Variants in SCAMP4 observed in about 807,000 individuals in gnomAD.
The protein encoded by SCAMP4 is secretory carrier membrane protein 4.
A neutral mutation model predicts 32.1 loss-of-function variants in SCAMP4; 19 were observed. The ratio of observed to expected loss-of-function variants is 0.59; its 90% CI spans 0.41 to 0.87. The LOEUF (loss-of-function observed/expected upper bound fraction) is 0.87. Among genes scored for constraint, SCAMP4 ranks in the 40% least tolerant of loss-of-function variants. The probability of loss-of-function intolerance (pLI) is 0.00; values close to 1 mark genes in which losing one functional copy is unlikely to be tolerated. For missense variants in SCAMP4, 302 were observed against 309.0 expected, an observed-to-expected ratio of 0.98 and a Z score of 0.17; for synonymous variants, 152 against 132.7, an observed-to-expected ratio of 1.15 and a Z score of -1.00.
At chr19:1,913,514 G>C (rs1209355829) in intron 1 of SCAMP4, 3 of 283,572 alleles carry the variant, frequency 1.1e-5, no homozygotes, top group African/African-American at 2.3e-5. Flanking sequence ...GTCTGTACAG[G>C]GCCTGGTGGC....
rs896432133 is a variant in SCAMP4 at position 1,924,377 on chromosome 19, C to T, written c.*93C>T. ...CGAGGGCTGGGAGTACCTGGGGCCC[C>T]ATCCCCCCAGCTGGGATGGTGGAAG... On this transcript the variant is annotated 3_prime_UTR_variant, in exon 7 of 7. Transcript: ENST00000316097. 1.6e-6 allele frequency: 2 copies of T among 1,236,618 alleles called. No homozygotes were observed. Among genetic ancestry groups the T allele is most frequent in the African/African-American group, 3.0e-5 (2 of 67,150 alleles). The allele number at this position is 1,236,618 out of a possible 1,614,324, so 76.6% of individuals were successfully genotyped here.
chr19:1,907,568 C>T (rs747326631), intron 1 of SCAMP4, among the ~76,000 whole-genome samples: 25 of 152,222 alleles, frequency 1.6e-4, no homozygotes, highest in Admixed American at 2.6e-4. Flanking sequence ...ACCCAGGTCC[C>T]GGCGCGGACC....
chr19:1,916,195 G>A (rs767514980), intron 2 of SCAMP4, among the ~76,000 whole-genome samples: 40 of 151,280 alleles, frequency 2.6e-4, no homozygotes, highest in African/African-American at 8.7e-4. Context: ...CCGAGATCAC[G>A]CCACTGCACT....
chr19:1,915,718 G>A (rs1046138011), intron 2 of SCAMP4, among the ~76,000 whole-genome samples: 5 of 152,100 alleles, frequency 3.3e-5, no homozygotes, highest in Non-Finnish European at 5.9e-5. Flanking sequence ...AGGCCGAGGC[G>A]GGTGGATCAC....
At chr19:1,920,372 G>C in intron 5 of SCAMP4, 1 of 913,374 alleles carries the variant, frequency 1.1e-6, no homozygotes, top group Non-Finnish European at 1.3e-6. Context: ...ATCCAGATAA[G>C]GTCCCAGGTT....
At position 1,922,495 on chromosome 19, in the gene SCAMP4, A is replaced by G. The variant is rs147489339; in HGVS notation, c.396-575A>G. ...AGTGATCCGCCCGCCTCGGCCTCCC[A>G]AAGTGCTGGGACGACAGGCGTAAGC... On this transcript the variant is annotated intron_variant, in intron 5 of 6. Coordinates refer to ENST00000316097, the MANE Select transcript of SCAMP4 (RefSeq NM_079834.4). 2.4e-4 allele frequency: 235 copies of G among 973,846 alleles called. No homozygotes were observed. The African/African-American group carries it at 3.7e-3, about 15-fold the overall frequency. The allele number at this position is 973,846 out of a possible 1,614,324, so 60.3% of individuals were successfully genotyped here. A position where few individuals can be genotyped will look rare whatever the true frequency, so the allele number is the denominator to read the frequency against.
chr19:1,924,077 T>C (rs7255232), intron 6 of SCAMP4, 31 bp from the exon 7 acceptor site: 552,971 of 1,512,714 alleles, frequency 0.37, 114,941 homozygotes, highest in Non-Finnish European at 0.41. Context: ...TCATTTTCTG[T>C]CTTCTGCCTC....
intron 5 of SCAMP4, chr19:1,920,351 C>T: frequency 2.1e-6 from 2 of 946,932 alleles, no homozygotes; most frequent in East Asian, 1.2e-4. Context: ...CACGCCAGTG[C>T]ACAGATCAGA....
chr19:1,909,714 C>CG (rs201695660), intron 1 of SCAMP4, among the ~76,000 whole-genome samples: 1 of 151,694 alleles, frequency 6.6e-6, no homozygotes, highest in African/African-American at 2.4e-5. Context: ...GCAGGAGCCC[C>CG]GGGAGTGATC....
At chr19:1,918,358 C>T (rs909344662) in intron 4 of SCAMP4, 75 bp downstream of exon 4, 2 of 1,398,088 alleles carry the variant, frequency 1.4e-6, no homozygotes, top group South Asian at 1.4e-5. Flanking sequence ...CCCAGCCCAG[C>T]TGTGAGGAGC....
chr19:1,924,441 C>T lies in SCAMP4; in HGVS notation c.*157C>T. 1 of 639,422 alleles carries T rather than the reference C, an allele frequency of 1.6e-6. No homozygotes were observed. Among genetic ancestry groups the T allele is most frequent in the Non-Finnish European group, 2.7e-6 (1 of 364,168 alleles). The allele number at this position is 639,422 out of a possible 1,614,324, so 39.6% of individuals were successfully genotyped here. Reference sequence around the variant, plus strand: ...CGGACCGCCCCCCTCCTGCCAGGGCCACAGAACCCGTGTTCATCTCATCCG... The same window carrying T: ...CGGACCGCCCCCCTCCTGCCAGGGCTACAGAACCCGTGTTCATCTCATCCG... On this transcript the variant is annotated 3_prime_UTR_variant, in exon 7 of 7. Coordinates refer to ENST00000316097, the MANE Select transcript of SCAMP4 (RefSeq NM_079834.4).
At chr19:1,920,320 C>T in intron 5 of SCAMP4, 2 of 983,860 alleles carry the variant, frequency 2.0e-6, no homozygotes, top group Non-Finnish European at 2.4e-6. Context: ...GGGTTCCTGC[C>T]CCACAAGACT....
rs1488030519 is a variant in SCAMP4, at chr19:1,924,653, C to T, written c.*369C>T. ...GCAGGTCGGCCGCCCTCCCGTCCTC[C>T]CAGAGCTGCTGGCGCTGAGGTCAGA... is the stretch of plus-strand genomic sequence containing the variant. On this transcript the variant is annotated 3_prime_UTR_variant, in exon 7 of 7. Coordinates refer to ENST00000316097, the MANE Select transcript of SCAMP4 (RefSeq NM_079834.4). The T allele has an allele frequency of 6.9e-6, 2 of 288,666 alleles. No individual in the cohort carries two copies. Among genetic ancestry groups the T allele is most frequent in the Non-Finnish European group, 1.4e-5 (2 of 144,052 alleles). 17.9% of individuals were successfully genotyped at this position (288,666 alleles called of 1,614,324 possible).
At chr19:1,916,612 C>G (rs561273609) in intron 2 of SCAMP4, among the ~76,000 whole-genome samples, 16 of 152,224 alleles carry the variant, frequency 1.1e-4, no homozygotes, top group Non-Finnish European at 2.1e-4. Context: ...GCACGCACCA[C>G]CACGCTTGGC....
intron 3 of SCAMP4, 30 bp downstream of exon 3, chr19:1,917,852 A>C (rs1227993197): frequency 6.2e-7 from 1 of 1,611,906 alleles, no homozygotes; most frequent in Non-Finnish European, 8.5e-7. Context: ...GGAGGCGGGA[A>C]GCGGGAGGCA....
At chr19:1,916,763 C>T (rs959134412) in intron 2 of SCAMP4, among the ~76,000 whole-genome samples, 40 of 152,202 alleles carry the variant, frequency 2.6e-4, no homozygotes, top group Non-Finnish European at 2.9e-4. Context: ...TGGGCAGTTT[C>T]TGTTGTTCTA....
chr19:1,922,520 C>T, intron 5 of SCAMP4: 1 of 985,020 alleles, frequency 1.0e-6, no homozygotes, highest in Non-Finnish European at 1.2e-6. Context: ...CAGGCGTAAG[C>T]CTCTGCGCCC....
chr19:1,909,103 T>TG (rs2013296415), intron 1 of SCAMP4, among the ~76,000 whole-genome samples: 2 of 148,752 alleles, frequency 1.3e-5, no homozygotes, highest in Non-Finnish European at 3.0e-5. Context: ...AGACTCTGTC[T>TG]GAAAAAAAAA....
intron 1 of SCAMP4, among the ~76,000 whole-genome samples, chr19:1,909,751 G>C (rs1325482158): frequency 6.6e-6 from 1 of 152,224 alleles, no homozygotes; most frequent in Non-Finnish European, 1.5e-5. Context: ...CCCCACTCCA[G>C]CCAGGGCCTC....
Sources: gnomAD v4.1 joint callset for allele counts (sites outside exome capture counted in the v4.1 genomes callset) on GRCh38, gnomAD v4.1.1 for gene constraint, MANE v1.5 for transcripts, NCBI Gene and HGNC (gene_info 2026-07-23, HGNC 2026-07-21) for gene names.